The following FAM153A variants were observed in gnomAD, a reference collection of about 807,000 sequenced individuals.
FAM153A encodes the protein family with sequence similarity 153 member A, also known as protein FAM153A.
A neutral mutation model predicts 48.1 loss-of-function variants in FAM153A; 12 were observed. The observed-to-expected ratio is 0.25, with a 90% CI of 0.16 to 0.40. FAM153A has a LOEUF of 0.40. Among genes scored for constraint, FAM153A ranks in the 10% least tolerant of loss-of-function variants. The probability of loss-of-function intolerance (pLI) is 1.00; values close to 1 mark genes in which losing one functional copy is unlikely to be tolerated. For missense variants in FAM153A, 111 were observed against 345.8 expected (o/e 0.32, Z 5.38); for synonymous variants, 36 against 118.2 (o/e 0.30, Z 4.51).
chr5:177,709,680 T>TG (rs1389512719), downstream of FAM153A, among the ~76,000 whole-genome samples: 18 of 142,926 alleles, frequency 1.3e-4, no homozygotes, highest in Non-Finnish European at 2.3e-4. Context: ...TTTTGTTTTT[T>TG]TTTTTTTTTG....
chr5:177,709,924 A>G (rs1250699641), downstream of FAM153A, among the ~76,000 whole-genome samples: 3 of 132,706 alleles, frequency 2.3e-5, no homozygotes, highest in African/African-American at 8.7e-5. Context: ...TGGCCTCCCA[A>G]AGTGCTGGAA....
At chr5:177,701,533 C>T in the FAM153A span, among the ~76,000 whole-genome samples, 2 of 151,808 alleles carry the variant, frequency 1.3e-5, no homozygotes, top group South Asian at 4.2e-4. Context: ...CCACTGCACT[C>T]CAGCCTGGGT....
chr5:177,766,593 A>C (rs1768779031), intron 1 of FAM153A, among the ~76,000 whole-genome samples: 2 of 93,828 alleles, frequency 2.1e-5, no homozygotes, highest in South Asian at 8.2e-4. Flanking sequence ...GAAGTCAAAT[A>C]ATTTCTGAGA....
chr5:177,707,998 C>T (rs1358946901), downstream of FAM153A: 2 of 151,830 alleles, frequency 1.3e-5, no homozygotes, highest in Admixed American at 1.3e-4. Flanking sequence ...TGCCAGATAA[C>T]ACAGTGCTGG....
At chr5:177,740,592 T>G (rs1208906658) in intron 8 of FAM153A, among the ~76,000 whole-genome samples, 185 bp downstream of exon 10, 2 of 119,330 alleles carry the variant, frequency 1.7e-5, no homozygotes, top group Non-Finnish European at 3.7e-5. Context: ...TCTGCATTTT[T>G]TTTTTTTGAG....
exon 27 of FAM153A, chr5:177,711,608 A>C (rs1758488218): frequency 6.6e-6 from 1 of 151,930 alleles, no homozygotes; most frequent in Non-Finnish European, 1.5e-5. Flanking sequence ...AACATTGATA[A>C]ATGTGAATGA....
chr5:177,710,781 A>G (rs1234692370), downstream of FAM153A, among the ~76,000 whole-genome samples: 2 of 143,394 alleles, frequency 1.4e-5, no homozygotes, highest in Non-Finnish European at 3.0e-5. Context: ...TCAGCCTCCC[A>G]TGTAGCTGGG....
chr5:177,715,304 AAT>A (rs1759472111), intron 25 of FAM153A, among the ~76,000 whole-genome samples: 1 of 82,092 alleles, frequency 1.2e-5, no homozygotes, highest in Non-Finnish European at 3.3e-5. Flanking sequence ...TATACACAAT[AAT>A]ATTATAACAA....
At chr5:177,697,919 C>CT in the FAM153A span, among the ~76,000 whole-genome samples, 6 of 142,974 alleles carry the variant, frequency 4.2e-5, no homozygotes, top group African/African-American at 1.5e-4. Flanking sequence ...TGTCCCCCAT[C>CT]TAAGTTGATA....
intron 16 of FAM153A, among the ~76,000 whole-genome samples, chr5:177,731,111 G>GTTTT (rs1212859078): frequency 1.7e-5 from 1 of 57,830 alleles, no homozygotes; most frequent in African/African-American, 7.4e-5. Context: ...CAGTTTGTTG[G>GTTTT]GTTTTTTTTT....
exon 21 of FAM153A, chr5:177,723,524 C>T (rs1761608108): frequency 6.1e-6 from 1 of 162,932 alleles, no homozygotes; most frequent in Non-Finnish European, 1.3e-5. Flanking sequence ...AGCCTCCAAC[C>T]TCATCTTGAA....
chr5:177,707,022 C>A (rs1030421613), downstream of FAM153A: 4 of 151,856 alleles, frequency 2.6e-5, no homozygotes, highest in Non-Finnish European at 5.9e-5. Flanking sequence ...AATGTAAACA[C>A]CCTGACACAG....
At position 177,739,114 on chromosome 5, in the gene FAM153A, G is replaced by A. The variant is rs142185775; in HGVS notation, c.561C>T (p.Asn187=). 22 of 1,612,894 alleles carry A rather than the reference G, an allele frequency of 1.4e-5. 1 individual carries two copies. Among genetic ancestry groups the A allele is most frequent in the African/African-American group, 2.7e-5 (2 of 73,970 alleles). The change falls in exon 10 of 21, where the codon AAC becomes AAT. Residue 187 remains asparagine, a splice_region_variant and synonymous_variant. Coordinates refer to ENST00000614127, the Ensembl canonical transcript of FAM153A. ...AAAAGGTGATCCCAGAATACATACCGTTGGTTTGGGTGCCTGCGTCTGCCT... is the reference window on the plus strand; with the variant it reads ...AAAAGGTGATCCCAGAATACATACCATTGGTTTGGGTGCCTGCGTCTGCCT...
intron 25 of FAM153A, chr5:177,714,205 G>GT (rs1214942464): frequency 2.7e-5 from 4 of 150,464 alleles, no homozygotes; most frequent in Non-Finnish European, 4.4e-5. Context: ...ATTGATTTAT[G>GT]AAAAGCAATA....
chr5:177,710,514 A>G (rs1278980979), downstream of FAM153A, among the ~76,000 whole-genome samples: 3 of 151,696 alleles, frequency 2.0e-5, no homozygotes, highest in Non-Finnish European at 4.4e-5. Flanking sequence ...CTGGGCCAGT[A>G]GGATTTTATG....
rs1768980287 is a variant in FAM153A at position 177,769,339 on chromosome 5, C to G, written c.-57+11110G>C. ...TTTTTATTTTATTGTTCATTTCTTACTGTGCCTAATTTATACATTAAATAT... is the reference window on the plus strand; with the variant it reads ...TTTTTATTTTATTGTTCATTTCTTAGTGTGCCTAATTTATACATTAAATAT... On this transcript the variant is annotated intron_variant, in intron 1 of 8. Transcript: ENST00000393518. Among the ~76,000 whole-genome samples the G allele has an allele frequency of 2.1e-5, 2 of 94,720 alleles. 1 individual carries two copies. The highest frequency in any genetic ancestry group is 4.3e-5 in the Non-Finnish European group (2 of 46,484). 62.1% of individuals were successfully genotyped at this position (94,720 alleles called of 152,430 possible). A position where few individuals can be genotyped will look rare whatever the true frequency, so the allele number is the denominator to read the frequency against.
chr5:177,758,819 A>T (rs1325437274), intron 1 of FAM153A, among the ~76,000 whole-genome samples: 1 of 139,660 alleles, frequency 7.2e-6, no homozygotes, highest in African/African-American at 2.5e-5. Flanking sequence ...TTTTACAAAA[A>T]TTAATTCAAG....
chr5:177,696,806 A>G, the FAM153A span, among the ~76,000 whole-genome samples: 2 of 151,658 alleles, frequency 1.3e-5, no homozygotes, highest in Admixed American at 6.6e-5. Context: ...AGCTGATACT[A>G]TAAGCATGAG....
intron 14 of FAM153A, among the ~76,000 whole-genome samples, 169 bp downstream of exon 16, chr5:177,734,211 G>C (rs918519315): frequency 9.0e-6 from 1 of 110,678 alleles, no homozygotes; most frequent in Non-Finnish European, 2.0e-5. Context: ...GCAGAATGTG[G>C]CCACTGTTTC....
Sources: gnomAD v4.1 joint callset for allele counts (sites outside exome capture counted in the v4.1 genomes callset) on GRCh38, gnomAD v4.1.1 for gene constraint, MANE v1.5 for transcripts, NCBI Gene and HGNC (gene_info 2026-07-23, HGNC 2026-07-21) for gene names.